The following SKAP2 variants were observed in gnomAD, a reference collection of about 807,000 sequenced individuals.
SKAP2 encodes the protein src kinase-associated phosphoprotein 2.
SKAP2 carries 28 observed loss-of-function variants against 54.9 expected under a neutral mutation model. That is an observed-to-expected ratio of 0.51 (90% CI 0.38 to 0.70). The LOEUF (loss-of-function observed/expected upper bound fraction) is 0.70. SKAP2 is among the 30% of genes least tolerant of loss of function. The pLI, the probability that SKAP2 is intolerant of heterozygous loss-of-function variation, is 0.00. For missense variants in SKAP2, 356 were observed against 424.1 expected, an observed-to-expected ratio of 0.84 and a Z score of 1.41; for synonymous variants, 137 against 134.3, an observed-to-expected ratio of 1.02 and a Z score of -0.14.
At chr7:26,862,491 G>C (rs1199762439) in intron 1 of SKAP2, among the ~76,000 whole-genome samples, 3 of 151,998 alleles carry the variant, frequency 2.0e-5, no homozygotes, top group African/African-American at 7.2e-5. Context: ...TTTAATATGT[G>C]ATTTGCTTTA....
intron 4 of SKAP2, among the ~76,000 whole-genome samples, chr7:26,771,829 G>T (rs1371518008): frequency 6.6e-6 from 1 of 152,132 alleles, no homozygotes; most frequent in African/African-American, 2.4e-5. Flanking sequence ...GTTATTCTTT[G>T]AATATGTAGC....
the SKAP2 span, among the ~76,000 whole-genome samples, chr7:26,658,238 A>G: frequency 6.6e-6 from 1 of 152,176 alleles, no homozygotes; most frequent in Non-Finnish European, 1.5e-5. Context: ...CAATTTGTTT[A>G]GCTGATCACT....
Position 26,854,228 on chromosome 7 carries a change from A to G in SKAP2, c.174-66T>C. On this transcript the variant is annotated intron_variant, in intron 2 of 12. Transcript: ENST00000345317. The stretch of plus-strand genomic sequence containing the variant: ...TCAAAACAAGGTCTAATCAGTAACA[A>G]TAATTAAAATCCAAAATCTATATTA... 6 of 1,026,170 alleles carry G rather than the reference A, an allele frequency of 5.8e-6. No homozygotes were observed. In the Admixed American group the frequency reaches 1.4e-4, roughly 24 times the overall value. 63.6% of individuals were successfully genotyped at this position (1,026,170 alleles called of 1,614,324 possible).
At chr7:26,828,869 A>C (rs1784546363) in intron 4 of SKAP2, among the ~76,000 whole-genome samples, 1 of 151,296 alleles carries the variant, frequency 6.6e-6, no homozygotes, top group African/African-American at 2.4e-5. Context: ...TCTACTAAAA[A>C]TACAAAAATT....
chr7:26,738,725 A>G, intron 6 of SKAP2, 70 bp downstream of exon 6: 4 of 805,444 alleles, frequency 5.0e-6, no homozygotes, highest in Middle Eastern at 4.5e-4. Context: ...CTCTGTACTC[A>G]AAAGAGGGGG....
At chr7:26,819,325 C>T (rs899315566) in intron 4 of SKAP2, among the ~76,000 whole-genome samples, 9 of 151,996 alleles carry the variant, frequency 5.9e-5, no homozygotes, top group African/African-American at 1.9e-4. Context: ...GAACAGAAAA[C>T]CAAACACCGC....
At chr7:26,751,096 T>C (rs1291580936) in intron 4 of SKAP2, among the ~76,000 whole-genome samples, 1 of 152,172 alleles carries the variant, frequency 6.6e-6, no homozygotes, top group South Asian at 2.1e-4. Context: ...CATAAGATTA[T>C]ATCTTAAGTA....
chr7:26,718,669 C>T (rs1341520056), intron 9 of SKAP2, among the ~76,000 whole-genome samples: 2 of 152,016 alleles, frequency 1.3e-5, no homozygotes, highest in South Asian at 2.1e-4. Flanking sequence ...CCACGCCCAG[C>T]TAATTTTTGT....
intron 1 of SKAP2, among the ~76,000 whole-genome samples, chr7:26,860,343 A>G (rs1374632083): frequency 4.9e-4 from 75 of 152,166 alleles, no homozygotes; most frequent in Non-Finnish European, 5.9e-5. Context: ...TAGCCCATAC[A>G]AAAAACTCTG....
In SKAP2 at chr7:26,668,384, A is replaced by T. The variant is rs1786153604; in HGVS notation, c.*1282T>A. The T allele has an allele frequency of 6.6e-6, 1 of 152,188 alleles. No homozygotes were observed. Among genetic ancestry groups the T allele is most frequent in the Non-Finnish European group, 1.5e-5 (1 of 68,036 alleles). The allele number at this position is 152,188 out of a possible 1,614,324, so 9.4% of individuals were successfully genotyped here. On this transcript the variant is annotated 3_prime_UTR_variant, in exon 13 of 13. Coordinates refer to ENST00000345317, the MANE Select transcript of SKAP2 (RefSeq NM_003930.5). ...CCTCTGATTTCAAATATACATGAAAAGGTAATTATATGATTCTACAAATCT... is the reference window on the plus strand; with the variant it reads ...CCTCTGATTTCAAATATACATGAAATGGTAATTATATGATTCTACAAATCT...
intron 4 of SKAP2, among the ~76,000 whole-genome samples, chr7:26,763,647 G>T (rs965264573): frequency 7.2e-5 from 11 of 152,040 alleles, no homozygotes; most frequent in Non-Finnish European, 1.2e-4. Context: ...AAAGATTCTT[G>T]CTGGAGTTAA....
intron 4 of SKAP2, among the ~76,000 whole-genome samples, chr7:26,788,944 G>A (rs984170724): frequency 6.6e-6 from 1 of 152,064 alleles, no homozygotes; most frequent in African/African-American, 2.4e-5. Context: ...TCCGCACTAA[G>A]AAGCACATCT....
At position 26,711,801 on chromosome 7, in the gene SKAP2, G is replaced by A. The variant is rs188709667; in HGVS notation, c.796+13627C>T. On this transcript the variant is annotated intron_variant, in intron 9 of 12. Transcript: ENST00000345317. ...TAGGAAATCAATCTGTTGGCACCAC[G>A]TAGAATAGGCTATATCAGGCTGGTT... Among the ~76,000 whole-genome samples the A allele has an allele frequency of 5.9e-5, 9 of 152,290 alleles. No homozygotes were observed. The South Asian group carries it at 1.0e-3, about 18-fold the overall frequency.
At chr7:26,803,194 G>A (rs1427311984) in intron 4 of SKAP2, among the ~76,000 whole-genome samples, 1 of 152,080 alleles carries the variant, frequency 6.6e-6, no homozygotes, top group Non-Finnish European at 1.5e-5. Context: ...CACACAGAAT[G>A]GGAGAAAATA....
intron 9 of SKAP2, among the ~76,000 whole-genome samples, chr7:26,695,831 G>C (rs1408814227): frequency 6.6e-6 from 1 of 152,152 alleles, no homozygotes; most frequent in Non-Finnish European, 1.5e-5. Context: ...TGTTCCTAAA[G>C]TTACACACTA....
At chr7:26,806,598 T>C (rs1369693071) in intron 4 of SKAP2, among the ~76,000 whole-genome samples, 4 of 152,282 alleles carry the variant, frequency 2.6e-5, no homozygotes, top group Middle Eastern at 3.4e-3. Flanking sequence ...AGCTGGCCTC[T>C]TGCACCAAAC....
intron 3 of SKAP2, among the ~76,000 whole-genome samples, chr7:26,845,049 A>G (rs1188371444): frequency 6.6e-6 from 1 of 152,214 alleles, no homozygotes; most frequent in African/African-American, 2.4e-5. Flanking sequence ...CAACAAAGAA[A>G]AAAGTATGCT....
intron 9 of SKAP2, among the ~76,000 whole-genome samples, chr7:26,699,483 T>A (rs1285447706): frequency 6.6e-6 from 1 of 152,198 alleles, no homozygotes; most frequent in Admixed American, 6.5e-5. Context: ...TTTATCATCA[T>A]GACTTTTAAA....
chr7:26,843,279 A>T (rs1210792480), intron 4 of SKAP2, among the ~76,000 whole-genome samples: 1 of 152,016 alleles, frequency 6.6e-6, no homozygotes, highest in Non-Finnish European at 1.5e-5. Context: ...GAGTGCTACA[A>T]ATTAATATGC....
Sources: gnomAD v4.1 joint callset for allele counts (sites outside exome capture counted in the v4.1 genomes callset) on GRCh38, gnomAD v4.1.1 for gene constraint, MANE v1.5 for transcripts, NCBI Gene and HGNC (gene_info 2026-07-23, HGNC 2026-07-21) for gene names.